ZNF534: variants seen among roughly 807,000 people sequenced by gnomAD.
ZNF534 encodes KRAB domain only 3.
ZNF534 carries 19 observed loss-of-function variants against 13.6 expected under a neutral mutation model. The ratio of observed to expected loss-of-function variants is 1.40; its 90% CI spans 0.97 to 2.05. The LOEUF is 2.05. ZNF534 is among the 30% of genes most tolerant of loss of function. The pLI, the probability that ZNF534 is intolerant of heterozygous loss-of-function variation, is 0.00. For missense variants in ZNF534, 782 were observed against 796.3 expected (o/e 0.98, Z 0.22); for synonymous variants, 244 against 273.8 (o/e 0.89, Z 1.07).
Position 52,438,125 on chromosome 19 carries a change from T to A in ZNF534, c.665T>A (p.Ile222Asn). 6.2e-7 allele frequency: 1 copy of A among 1,614,062 alleles called. No homozygotes were observed. Among genetic ancestry groups the A allele is most frequent in the Non-Finnish European group, 8.5e-7 (1 of 1,179,976 alleles). ...KTYKCSDCGEIFSSNSNFAQH... is the reference protein window; with the variant it reads ...KTYKCSDCGENFSSNSNFAQH... ...TACAAATGTAGTGACTGTGGCGAGA[T>A]CTTTAGTAGCAATTCAAACTTTGCA... The change falls in exon 5 of 5, where the codon ATC becomes AAC. Residue 222 changes from isoleucine (I) to asparagine (N), a missense_variant. Around this residue, in one of 5 missense-constraint regions of ZNF534, gnomAD observed 591 missense variants for 574.0 expected, o/e 1.03. Transcript: ENST00000433050.
At chr19:52,430,071 A>T (rs1376355014) in intron 1 of ZNF534, among the ~76,000 whole-genome samples, 1 of 151,404 alleles carries the variant, frequency 6.6e-6, no homozygotes, top group Non-Finnish European at 1.5e-5. Flanking sequence ...GCTGGAGTGC[A>T]GTGGCACTGT....
At chr19:52,442,970 CTG>C (rs1024794546), downstream of ZNF534, among the ~76,000 whole-genome samples, 43 of 152,292 alleles carry the variant, frequency 2.8e-4, no homozygotes, top group African/African-American at 1.0e-3. Flanking sequence ...TAATAAATAA[CTG>C]TAAAATAGAG....
intron 4 of ZNF534, among the ~76,000 whole-genome samples, chr19:52,447,624 T>C (rs556025270): frequency 1.3e-5 from 2 of 152,306 alleles, no homozygotes; most frequent in Non-Finnish European, 2.9e-5. Flanking sequence ...CCTCTATTGA[T>C]AGAGTCCTAT....
chr19:52,438,225 A>G lies in ZNF534; in HGVS notation c.765A>G (p.Ser255=), dbSNP rs1435950391. 1 of 1,614,002 alleles carries G rather than the reference A, an allele frequency of 6.2e-7. No homozygotes were observed. The highest frequency in any genetic ancestry group is 2.2e-5 in the East Asian group (1 of 44,866). The change falls in exon 5 of 5, where the codon TCA becomes TCG. Residue 255 remains serine, a synonymous_variant. Transcript: ENST00000433050. The stretch of plus-strand genomic sequence containing the variant: ...GTGGCAAAGTCTTCAATCAGAATTC[A>G]CACCTTGCACAACATCAGAAAATTC... ...NECGKVFNQN[S]HLAQHQKIHT...
At position 52,438,908 on chromosome 19, in the gene ZNF534, G is replaced by T. The variant is rs555071817; in HGVS notation, c.1448G>T (p.Arg483Leu). 3 of 1,587,552 alleles carry T rather than the reference G, an allele frequency of 1.9e-6. No homozygotes were observed. Among genetic ancestry groups the T allele is most frequent in the African/African-American group, 2.7e-5 (2 of 73,832 alleles). Residue 483 changes from arginine (R) to leucine (L), a missense_variant, in exon 5 of 5, where the codon CGA becomes CTA. Physicochemically the swap from Arg to Leu is moderately radical, Grantham distance 102 (BLOSUM62 -2). This residue lies in a region of ZNF534 where 591 missense variants were observed against 574.0 expected (regional missense o/e 1.03). Transcript: ENST00000433050. The part of the protein sequence containing the change: ...KVFSQNSNLQ[R>L]HRKIHTGEKL... ...TTCAGTCAGAATTCAAACCTTCAAC[G>T]ACATAGGAAAATTCATACTGGAGAG...
Position 52,437,717 on chromosome 19 carries a change from T to G in ZNF534, c.272-15T>G. ...AGAATCGGGATTAAGTTCTAAAATT[T>G]TCTTGCTTTTCTAGAGAAGAGTTCT... On this transcript the variant is annotated splice_polypyrimidine_tract_variant and intron_variant, in intron 4 of 4. Transcript: ENST00000433050. The G allele has an allele frequency of 1.9e-6, 3 of 1,539,296 alleles. No homozygotes were observed. Among genetic ancestry groups the G allele is most frequent in the Non-Finnish European group, 2.6e-6 (3 of 1,146,880 alleles).
At chr19:52,445,734 T>TCC (rs2059192477), downstream of ZNF534, among the ~76,000 whole-genome samples, 3 of 13,314 alleles carry the variant, frequency 2.3e-4, 1 homozygote, top group Admixed American at 8.3e-4. Flanking sequence ...CTTGCAGTCA[T>TCC]TCTGGAGCAA....
chr19:52,443,304 T>C (rs910307241), downstream of ZNF534, among the ~76,000 whole-genome samples: 8 of 152,196 alleles, frequency 5.3e-5, no homozygotes, highest in African/African-American at 1.7e-4. Flanking sequence ...TCTAGGTCTC[T>C]AGCAAGCCTG....
Position 52,434,002 on chromosome 19 carries a change from G to C in ZNF534, c.63G>C (p.Glu21Asp). The C allele has an allele frequency of 1.2e-6, 2 of 1,614,152 alleles. No individual in the cohort carries two copies. The highest frequency in any genetic ancestry group is 1.7e-6 in the Non-Finnish European group (2 of 1,180,026). The change falls in exon 3 of 5, where the codon GAG becomes GAC. Residue 21 changes from glutamate (E) to aspartate (D), a missense_variant. Coordinates refer to ENST00000433050, the MANE Select transcript of ZNF534 (RefSeq NM_001143938.3). ...TGGCCATAGAATTCTCTCAGGAGGA[G>C]TGGAAATGCCTGGACCCTGGGCAGA... ...SDVAIEFSQE[E>D]WKCLDPGQKA...
At chr19:52,443,951 G>A (rs937925924), downstream of ZNF534, among the ~76,000 whole-genome samples, 3 of 151,614 alleles carry the variant, frequency 2.0e-5, no homozygotes, top group African/African-American at 7.3e-5. Flanking sequence ...TATTTCTCTA[G>A]TGCCTCCTTG....
Position 52,439,007 on chromosome 19 carries a change from A to G in ZNF534, c.1547A>G (p.His516Arg). ...NSHLAQHRDI[H>R]TGEKPYSCNE... is the part of the protein sequence containing the mutation. ...CACCTTGCACAACATAGGGATATTC[A>G]TACTGGAGAGAAGCCTTACAGTTGT... Residue 516 changes from histidine to arginine, a missense_variant, in exon 5 of 5, where the codon CAT (histidine) becomes CGT (arginine). His to Arg is a conservative substitution (Grantham distance 29). Transcript: ENST00000433050. 1 of 1,603,526 alleles carries G rather than the reference A, an allele frequency of 6.2e-7. No homozygotes were observed. Among genetic ancestry groups the G allele is most frequent in the African/African-American group, 1.3e-5 (1 of 74,664 alleles).
intron 4 of ZNF534, 111 bp downstream of exon 4, chr19:52,435,320 T>C: frequency 1.6e-6 from 2 of 1,268,008 alleles, no homozygotes; most frequent in Non-Finnish European, 1.1e-6. Context: ...CACAGCAGCC[T>C]TAAACTCCTG....
intron 2 of ZNF534, 65 bp downstream of exon 2, chr19:52,431,554 T>G (rs2059087457): frequency 1.2e-6 from 2 of 1,605,894 alleles, no homozygotes; most frequent in African/African-American, 2.7e-5. Context: ...GGCATTGGAG[T>G]TGCTAATCTC....
chr19:52,434,191 T>C (rs1362059837), intron 3 of ZNF534, 110 bp downstream of exon 3: 12 of 1,491,960 alleles, frequency 8.0e-6, no homozygotes, highest in Non-Finnish European at 1.1e-5. Context: ...GATTGAAACC[T>C]GTTGACTAAG....
rs1226967234 is a variant in ZNF534, at chr19:52,434,095, C to T, written c.142+14C>T. 6.2e-7 allele frequency: 1 copy of T among 1,612,234 alleles called. No individual in the cohort carries two copies. The highest frequency in any genetic ancestry group is 8.5e-7 in the Non-Finnish European group (1 of 1,179,432). ...TGGTCTCCCTAGGTGAGGATAATGT[C>T]CGTCCAGAAGCCTGCATCTGCTCTG... On this transcript the variant is annotated intron_variant, in intron 3 of 4. Coordinates refer to ENST00000433050, the MANE Select transcript of ZNF534 (RefSeq NM_001143938.3).
chr19:52,431,389 G>C lies in ZNF534; in HGVS notation c.-67-19G>C, dbSNP rs2059085908. 1 of 1,580,896 alleles carries C rather than the reference G, an allele frequency of 6.3e-7. No individual in the cohort carries two copies. The highest frequency in any genetic ancestry group is 1.4e-5 in the African/African-American group (1 of 74,014). ...GTGTGTTGATTCTAAGCCCTAAACA[G>C]CATTATTTTTGATACTAGGATTCAC... On this transcript the variant is annotated intron_variant, in intron 1 of 4. Coordinates refer to ENST00000433050, the MANE Select transcript of ZNF534 (RefSeq NM_001143938.3).
At position 52,437,826 on chromosome 19, in the gene ZNF534, A is replaced by T. The variant is rs759456620; in HGVS notation, c.366A>T (p.Pro122=). 6.2e-7 allele frequency: 1 copy of T among 1,613,708 alleles called. No individual in the cohort carries two copies. The highest frequency in any genetic ancestry group is 1.1e-5 in the South Asian group (1 of 90,978). The change falls in exon 5 of 5, where the codon CCA becomes CCT. Residue 122 remains proline (P), a synonymous_variant. Coordinates refer to ENST00000433050, the MANE Select transcript of ZNF534 (RefSeq NM_001143938.3). ...TLQLHLTEWQ[P]FQAVRNIYGC... Reference sequence around the variant, plus strand: ...AGTTACATCTGACTGAATGGCAGCCATTTCAAGCTGTAAGGAATATTTATG... The same window carrying T: ...AGTTACATCTGACTGAATGGCAGCCTTTTCAAGCTGTAAGGAATATTTATG...
intron 2 of ZNF534, among the ~76,000 whole-genome samples, chr19:52,433,561 T>G (rs904392073): frequency 5.3e-5 from 8 of 152,080 alleles, no homozygotes; most frequent in Non-Finnish European, 1.2e-4. Flanking sequence ...AGAGATGGGG[T>G]TTCACCGTGT....
chr19:52,441,228 A>G lies in ZNF534; in HGVS notation c.*1782A>G, dbSNP rs1489212113. On this transcript the variant is annotated 3_prime_UTR_variant, in exon 5 of 5. Transcript: ENST00000433050. ...TTGAGAAATCATATGAATATATGGA[A>G]TGTACTCCAGGCATGGTGGCTCACA... is the stretch of plus-strand genomic sequence containing the variant. Among the ~76,000 whole-genome samples the G allele has an allele frequency of 6.6e-6, 1 of 152,092 alleles. No homozygotes were observed. The highest frequency in any genetic ancestry group is 1.5e-5 in the Non-Finnish European group (1 of 68,006).
Sources: allele counts gnomAD v4.1 joint callset (sites outside exome capture counted in the v4.1 genomes callset), GRCh38; gene constraint gnomAD v4.1.1; regional missense constraint gnomAD v4.1.1; transcripts MANE v1.5; gene names NCBI Gene and HGNC (gene_info 2026-07-23, HGNC 2026-07-21).